SULT2B1: variants seen among roughly 807,000 people sequenced by gnomAD.
SULT2B1 encodes sulfotransferase 2B1.
A neutral mutation model predicts 33.2 loss-of-function variants in SULT2B1; 16 were observed. The ratio of observed to expected loss-of-function variants is 0.48; its 90% confidence interval spans 0.33 to 0.73. The LOEUF is 0.73. SULT2B1 is among the 30% of genes least tolerant of loss of function. The pLI is 0.02. For missense variants in SULT2B1, 500 were observed against 506.0 expected, an observed-to-expected ratio of 0.99 and a Z score of 0.11; for synonymous variants, 186 against 200.5, an observed-to-expected ratio of 0.93 and a Z score of 0.61.
Position 48,552,261 on chromosome 19 carries a change from G to A in SULT2B1, c.9G>A (p.Gly3=). The change falls in exon 1 of 7, where the codon GGG becomes GGA. Residue 3 remains glycine (G), a synonymous_variant. Coordinates refer to ENST00000201586, the MANE Select transcript of SULT2B1 (RefSeq NM_177973.2). The surrounding 1 kb of genome is among the most constrained non-coding windows in gnomAD (Gnocchi z 4.8). ...ACCCTCACCCACCTGCCATGGACGG[G>A]CCCGCCGAGCCCCAGATCCCGGGCT... MD[G]PAEPQIPGLW... The A allele has an allele frequency of 6.2e-7, 1 of 1,613,700 alleles. No homozygotes were observed. The highest frequency in any genetic ancestry group is 1.3e-5 in the African/African-American group (1 of 75,034).
chr19:48,576,010 G>C lies in SULT2B1; in HGVS notation c.141G>C (p.Glu47Asp), dbSNP rs1264227455. Residue 47 changes from glutamate (E) to aspartate (D), a missense_variant, in exon 2 of 7, where the codon GAG (glutamate) becomes GAC (aspartate). By Grantham distance (45) the Glu-to-Asp change is conservative. Transcript: ENST00000201586. ...TCCCCGTCGGCCTGTACTCGCTCGAGAGCATCAGCTTGGCGGAGAACACCC... is the reference window on the plus strand; with the variant it reads ...TCCCCGTCGGCCTGTACTCGCTCGACAGCATCAGCTTGGCGGAGAACACCC... ...VPFPVGLYSLESISLAENTQD... is the reference protein window; with the variant it reads ...VPFPVGLYSLDSISLAENTQD... 1 of 1,613,898 alleles carries C rather than the reference G, an allele frequency of 6.2e-7. No individual in the cohort carries two copies. The highest frequency in any genetic ancestry group is 1.3e-5 in the African/African-American group (1 of 74,890).
chr19:48,573,803 G>A (rs1414801474), intron 1 of SULT2B1, among the ~76,000 whole-genome samples: 1 of 152,044 alleles, frequency 6.6e-6, no homozygotes, highest in Non-Finnish European at 1.5e-5. Flanking sequence ...CCTCTCTGTA[G>A]CAATGGAAGC....
chr19:48,570,890 T>G (rs1013033744), intron 1 of SULT2B1, among the ~76,000 whole-genome samples: 1 of 149,344 alleles, frequency 6.7e-6, no homozygotes, highest in Non-Finnish European at 1.5e-5. Flanking sequence ...GCCCGGCTAA[T>G]TTTTTGTATT....
intron 1 of SULT2B1, among the ~76,000 whole-genome samples, chr19:48,560,540 G>A (rs781140271): frequency 2.0e-5 from 3 of 151,454 alleles, no homozygotes; most frequent in East Asian, 1.9e-4. Context: ...GATATATACC[G>A]TGAGCCCATA....
chr19:48,555,496 C>G (rs941641933), intron 1 of SULT2B1, among the ~76,000 whole-genome samples: 3 of 152,144 alleles, frequency 2.0e-5, no homozygotes, highest in East Asian at 3.9e-4. Flanking sequence ...TCTTCTCTCT[C>G]TCTCTCTCTC....
At chr19:48,563,352 C>T (rs1973203876) in intron 1 of SULT2B1, among the ~76,000 whole-genome samples, 1 of 152,152 alleles carries the variant, frequency 6.6e-6, no homozygotes, top group South Asian at 2.1e-4. Context: ...AAGACAGGAA[C>T]AACTGTGGCA....
intron 1 of SULT2B1, among the ~76,000 whole-genome samples, chr19:48,570,179 CTTTT>C (rs149283040): frequency 3.2e-4 from 47 of 145,630 alleles, no homozygotes; most frequent in Middle Eastern, 3.6e-3. Flanking sequence ...CCGGTTTGTT[CTTTT>C]TTTTTTTTTT....
intron 2 of SULT2B1, among the ~76,000 whole-genome samples, chr19:48,584,359 G>A (rs1034501586): frequency 6.6e-6 from 1 of 152,190 alleles, no homozygotes; most frequent in African/African-American, 2.4e-5. Context: ...GTCACTGCGT[G>A]TCTAGTGCAG....
At chr19:48,588,714 A>G (rs1046698071) in intron 3 of SULT2B1, among the ~76,000 whole-genome samples, 16 of 152,062 alleles carry the variant, frequency 1.1e-4, no homozygotes, top group Admixed American at 9.8e-4. Flanking sequence ...GTGGGGCTGC[A>G]ATTATAAATA....
At chr19:48,598,965 C>T (rs1973760323) in intron 6 of SULT2B1, among the ~76,000 whole-genome samples, 170 bp from the exon 7 acceptor site, 1 of 151,984 alleles carries the variant, frequency 6.6e-6, no homozygotes, top group Admixed American at 6.6e-5. Flanking sequence ...CAAGACTCTG[C>T]CACCATAGGA....
At chr19:48,598,601 A>G (rs1351025404) in intron 6 of SULT2B1, among the ~76,000 whole-genome samples, 1 of 152,036 alleles carries the variant, frequency 6.6e-6, no homozygotes, top group Non-Finnish European at 1.5e-5. Context: ...AAAAAAATGG[A>G]AAACTGAGGC....
intron 1 of SULT2B1, among the ~76,000 whole-genome samples, chr19:48,560,361 T>C (rs538421513): frequency 1.3e-5 from 2 of 152,192 alleles, no homozygotes; most frequent in East Asian, 3.9e-4. Flanking sequence ...AGTGTTACAA[T>C]GCCCATTTTA....
rs561692908 is a variant in SULT2B1, at chr19:48,552,810, C to A, written c.71+487C>A. Among the ~76,000 whole-genome samples, 2 of 152,180 alleles carry A rather than the reference C, an allele frequency of 1.3e-5. No homozygotes were observed. The highest frequency in any genetic ancestry group is 3.9e-4 in the East Asian group (2 of 5,164). On this transcript the variant is annotated intron_variant, in intron 1 of 6. Transcript: ENST00000201586. This position sits in a 1 kb window ranked among gnomAD's most constrained non-coding sequence, Gnocchi z 4.8. Reference sequence around the variant, plus strand: ...AAGCTGTGTTCTAGGGCACTTGGGGCGGAGAGGGCAGGCTCTGGACTCTTC... The same window carrying A: ...AAGCTGTGTTCTAGGGCACTTGGGGAGGAGAGGGCAGGCTCTGGACTCTTC...
At chr19:48,561,343 C>T (rs1159974161) in intron 1 of SULT2B1, among the ~76,000 whole-genome samples, 3 of 151,570 alleles carry the variant, frequency 2.0e-5, no homozygotes, top group South Asian at 2.1e-4. Flanking sequence ...GCAGGAGACT[C>T]GCTTGAACCC....
intron 2 of SULT2B1, among the ~76,000 whole-genome samples, chr19:48,583,428 A>G (rs1484828113): frequency 6.6e-6 from 1 of 152,248 alleles, no homozygotes; most frequent in Non-Finnish European, 1.5e-5. Context: ...TGCAATGACC[A>G]AAAGCTGAAA....
At chr19:48,555,717 G>A (rs1468768999) in intron 1 of SULT2B1, among the ~76,000 whole-genome samples, 2 of 152,038 alleles carry the variant, frequency 1.3e-5, no homozygotes, top group African/African-American at 2.4e-5. Context: ...TGGGATTACA[G>A]GCATGCGCCA....
intron 1 of SULT2B1, among the ~76,000 whole-genome samples, chr19:48,563,694 G>A (rs559353544): frequency 6.6e-5 from 10 of 152,224 alleles, no homozygotes; most frequent in East Asian, 5.8e-4. Flanking sequence ...CGCAGGCACC[G>A]TGGCTCACAC....
intron 1 of SULT2B1, among the ~76,000 whole-genome samples, chr19:48,558,375 C>T (rs1198834107): frequency 6.6e-6 from 1 of 152,160 alleles, no homozygotes; most frequent in African/African-American, 2.4e-5. Context: ...TCCTTGCATT[C>T]CCTGCGTGCT....
In SULT2B1 at chr19:48,599,277, C is replaced by CAGCCCTGAGCCT; in HGVS notation, c.970_981dup (p.Ser324_Pro327dup). 1 of 1,610,966 alleles carries CAGCCCTGAGCCT rather than the reference C, an allele frequency of 6.2e-7. No homozygotes were observed. Among genetic ancestry groups the CAGCCCTGAGCCT allele is most frequent in the Non-Finnish European group, 8.5e-7 (1 of 1,178,888 alleles). On this transcript the variant is annotated inframe_insertion, in exon 7 of 7. Transcript: ENST00000201586. The surrounding 1 kb of genome is among the most constrained non-coding windows in gnomAD (Gnocchi z 4.1). Reference sequence around the variant, plus strand: ...AGGACGGCAGCCCAGATCCTGAGCCCAGCCCTGAGCCTGAGCCCAAGCCCA... The same window carrying CAGCCCTGAGCCT: ...AGGACGGCAGCCCAGATCCTGAGCCCAGCCCTGAGCCTAGCCCTGAGCCTGAGCCCAAGCCCA...
Sources: allele counts gnomAD v4.1 joint callset (sites outside exome capture counted in the v4.1 genomes callset), GRCh38; gene constraint gnomAD v4.1.1; non-coding constraint Gnocchi (gnomAD v3.1); transcripts MANE v1.5; gene names NCBI Gene and HGNC (gene_info 2026-07-23, HGNC 2026-07-21).